The following PCLO variants were observed in gnomAD, a reference collection of about 807,000 sequenced individuals.
The protein encoded by PCLO is piccolo presynaptic cytomatrix protein, also known as protein piccolo.
PCLO carries 82 observed loss-of-function variants against 427.5 expected under a neutral mutation model. The observed-to-expected ratio is 0.19, with a 90% confidence interval of 0.16 to 0.23. The LOEUF is 0.23. PCLO is among the 10% of genes least tolerant of loss of function. PCLO has a pLI of 1.00. For missense variants in PCLO, 6,239 were observed against 6,115.9 expected (o/e 1.02, Z -0.67); for synonymous variants, 2,357 against 2,155.4 (o/e 1.09, Z -2.59).
chr7:82,925,044 C>G (rs1794681956), intron 6 of PCLO, among the ~76,000 whole-genome samples: 2 of 152,042 alleles, frequency 1.3e-5, no homozygotes, highest in African/African-American at 4.8e-5. Context: ...CTATCTTCAT[C>G]CAGGAACTGC....
intron 20 of PCLO, chr7:82,821,225 G>C (rs1791783761): frequency 2.0e-6 from 2 of 988,580 alleles, no homozygotes; most frequent in Non-Finnish European, 2.4e-6. Context: ...TCTTTGAATG[G>C]GGAGGACTCC....
chr7:83,029,803 C>A, intron 3 of PCLO, among the ~76,000 whole-genome samples: 1 of 141,380 alleles, frequency 7.1e-6, no homozygotes. Context: ...GAGTTCACGT[C>A]CTTTGTAGGG....
chr7:83,107,719 G>A (rs949523927), intron 3 of PCLO, among the ~76,000 whole-genome samples: 9 of 23,208 alleles, frequency 3.9e-4, no homozygotes, highest in South Asian at 1.4e-3. Flanking sequence ...GAATATGTGC[G>A]GTGGCTCACG....
chr7:83,099,383 A>ATT (rs1479844135), intron 3 of PCLO, among the ~76,000 whole-genome samples: 2 of 109,840 alleles, frequency 1.8e-5, no homozygotes, highest in Non-Finnish European at 1.8e-5. Flanking sequence ...CATACAGTAG[A>ATT]TTTTTTTGTT....
At chr7:82,807,332 G>T (rs372904104) in intron 20 of PCLO, among the ~76,000 whole-genome samples, 1 of 152,064 alleles carries the variant, frequency 6.6e-6, no homozygotes, top group Non-Finnish European at 1.5e-5. Context: ...TCATAAATGC[G>T]TCCCTATCCC....
chr7:82,909,991 A>G (rs1346848105), intron 7 of PCLO, among the ~76,000 whole-genome samples: 1 of 152,072 alleles, frequency 6.6e-6, no homozygotes, highest in Non-Finnish European at 1.5e-5. Flanking sequence ...GATATTCTAT[A>G]ATGACTGAAC....
Position 82,954,795 on chromosome 7 carries a change from T to C in PCLO, c.6158A>G (p.Glu2053Gly). 6.2e-7 allele frequency: 1 copy of C among 1,613,792 alleles called. No individual in the cohort carries two copies. The highest frequency in any genetic ancestry group is 8.5e-7 in the Non-Finnish European group (1 of 1,179,792). ...VDLGTMVTST[E>G]EERKLLDADA... ...AGCATCTAGTAGTTTCCTTTCTTCT[T>C]CTGTAGAAGTTACCATAGTACCCAG... The change falls in exon 5 of 25, where the codon GAA becomes GGA. Residue 2053 changes from glutamate to glycine, a missense_variant. Coordinates refer to ENST00000333891, the MANE Select transcript of PCLO (RefSeq NM_033026.6).
intron 10 of PCLO, among the ~76,000 whole-genome samples, chr7:82,872,652 G>T (rs907746124): frequency 2.0e-5 from 3 of 152,040 alleles, no homozygotes; most frequent in Admixed American, 6.6e-5. Flanking sequence ...TCCTACACAT[G>T]GTCACAAGGA....
chr7:82,991,925 T>C lies in PCLO; in HGVS notation c.3301-25438A>G, dbSNP rs527329080. 6.6e-5 allele frequency among the ~76,000 whole-genome samples: 10 copies of C among 152,246 alleles called. No individual in the cohort carries two copies. In the East Asian group the frequency reaches 1.2e-3, roughly 18 times the overall value. ...TTTTATGGCATTATCCTGTAAACTTTTGAAAACTGCATATTACATGACAAT... is the reference window on the plus strand; with the variant it reads ...TTTTATGGCATTATCCTGTAAACTTCTGAAAACTGCATATTACATGACAAT... On this transcript the variant is annotated intron_variant, in intron 3 of 24. Coordinates refer to ENST00000333891, the MANE Select transcript of PCLO (RefSeq NM_033026.6).
At chr7:83,148,512 T>G (rs1792050362) in intron 2 of PCLO, among the ~76,000 whole-genome samples, 1 of 152,306 alleles carries the variant, frequency 6.6e-6, no homozygotes, top group Non-Finnish European at 1.5e-5. Context: ...AGTAAGTAAA[T>G]ACTTTTTTTT....
At chr7:82,940,589 C>T (rs1795058548) in intron 6 of PCLO, among the ~76,000 whole-genome samples, 1 of 151,826 alleles carries the variant, frequency 6.6e-6, no homozygotes, top group Admixed American at 6.6e-5. Flanking sequence ...TCTTTAGCTT[C>T]AAATCTATTT....
In PCLO at chr7:83,158,642, A is replaced by G. The variant is rs554370142; in HGVS notation, c.249-2250T>C. On this transcript the variant is annotated intron_variant, in intron 1 of 24. Coordinates refer to ENST00000333891, the MANE Select transcript of PCLO (RefSeq NM_033026.6). ...TCATATTTGTAAAACAACAAAAAAT[A>G]AACTTCATGAATGTCAAATATTTGT... Among the ~76,000 whole-genome samples, 18 of 152,178 alleles carry G rather than the reference A, an allele frequency of 1.2e-4. No individual in the cohort carries two copies. In the South Asian group the frequency reaches 3.5e-3, roughly 30 times the overall value.
intron 22 of PCLO, among the ~76,000 whole-genome samples, chr7:82,762,446 C>A (rs1790450704): frequency 1.3e-5 from 2 of 151,904 alleles, no homozygotes; most frequent in African/African-American, 4.8e-5. Flanking sequence ...CTCTAGGAAT[C>A]CATTAAAGGT....
chr7:83,022,994 A>C (rs1025696355), intron 3 of PCLO, among the ~76,000 whole-genome samples: 4 of 152,192 alleles, frequency 2.6e-5, no homozygotes, highest in South Asian at 2.1e-4. Flanking sequence ...AAATCTGTAC[A>C]TGTATAATCA....
At chr7:83,094,725 A>C (rs534880614) in intron 3 of PCLO, among the ~76,000 whole-genome samples, 8 of 152,320 alleles carry the variant, frequency 5.3e-5, no homozygotes, top group African/African-American at 1.7e-4. Flanking sequence ...GTATGAACAG[A>C]CATCTTCATT....
At chr7:82,978,863 C>CACACACACACACAA (rs1796085474) in intron 3 of PCLO, among the ~76,000 whole-genome samples, 1 of 119,914 alleles carries the variant, frequency 8.3e-6, no homozygotes, top group Non-Finnish European at 1.8e-5. Context: ...CACAAACACA[C>CACACACACACACAA]ACACACACAC....
intron 2 of PCLO, among the ~76,000 whole-genome samples, chr7:83,145,406 T>C (rs1389549699): frequency 6.6e-6 from 1 of 152,124 alleles, no homozygotes; most frequent in Non-Finnish European, 1.5e-5. Flanking sequence ...GATATGTAAA[T>C]ATACACACAT....
intron 3 of PCLO, among the ~76,000 whole-genome samples, chr7:83,092,152 T>C (rs1790392979): frequency 6.6e-6 from 1 of 152,186 alleles, no homozygotes; most frequent in South Asian, 2.1e-4. Context: ...TAACTTAGGA[T>C]GCCCTAAAGT....
chr7:83,033,957 T>A (rs928010305), intron 3 of PCLO, among the ~76,000 whole-genome samples: 2 of 152,180 alleles, frequency 1.3e-5, no homozygotes, highest in Non-Finnish European at 2.9e-5. Flanking sequence ...GAAAACAGTA[T>A]CATATTTATC....
Sources: gnomAD v4.1 joint callset for allele counts (sites outside exome capture counted in the v4.1 genomes callset) on GRCh38, gnomAD v4.1.1 for gene constraint, MANE v1.5 for transcripts, NCBI Gene and HGNC (gene_info 2026-07-23, HGNC 2026-07-21) for gene names.